The following ADGRV1 variants were observed in gnomAD, a reference collection of about 807,000 sequenced individuals.
ADGRV1 encodes the protein G-protein coupled receptor 98.
A neutral mutation model predicts 596.2 loss-of-function variants in ADGRV1; 359 were observed. The observed-to-expected ratio is 0.60, with a 90% CI of 0.55 to 0.66. The LOEUF (loss-of-function observed/expected upper bound fraction) is 0.66, where lower values mean the gene tolerates loss of function less well. ADGRV1 is among the 30% of genes least tolerant of loss of function. The pLI is 0.00. For synonymous variants in ADGRV1, 2,681 were observed against 2,679.2 expected (o/e 1.00, Z -0.02); for missense variants, 7,274 against 7,575.6 (o/e 0.96, Z 1.48).
chr5:90,763,085 C>T (rs1756681238), intron 58 of ADGRV1: 1 of 449,282 alleles, frequency 2.2e-6, no homozygotes, highest in South Asian at 4.4e-5. Context: ...GTCACATGCT[C>T]TACCTAATTG....
Position 90,652,487 on chromosome 5 carries a change from A to G in ADGRV1, c.3558A>G (p.Pro1186=). 1 of 1,613,466 alleles carries G rather than the reference A, an allele frequency of 6.2e-7. No homozygotes were observed. The highest frequency in any genetic ancestry group is 1.3e-5 in the African/African-American group (1 of 75,034). ...TCATGGATGGAGAAGAAGCAAAACC[A>G]ATCATTCTCCATGCTTTTCCAGATA... is the stretch of plus-strand genomic sequence containing the variant. ...VNFMDGEEAK[P]IILHAFPDKI... Residue 1186 remains proline, a synonymous_variant, in exon 19 of 90, where the codon CCA becomes CCG. Transcript: ENST00000405460.
chr5:90,685,758 G>T (rs1355375546), intron 28 of ADGRV1, 22 bp from the exon 29 acceptor site: 1 of 1,575,306 alleles, frequency 6.3e-7, no homozygotes, highest in Non-Finnish European at 8.7e-7. Flanking sequence ...TCTGTGTTCT[G>T]TGTGGATCTT....
intron 85 of ADGRV1, among the ~76,000 whole-genome samples, chr5:91,004,390 A>G (rs1279997881): frequency 1.3e-5 from 2 of 152,036 alleles, no homozygotes; most frequent in Non-Finnish European, 2.9e-5. Flanking sequence ...TCAAAATCTA[A>G]TTTATCGGCT....
intron 87 of ADGRV1, among the ~76,000 whole-genome samples, chr5:91,121,779 ATTTAC>A (rs554941873): frequency 5.5e-4 from 84 of 151,738 alleles, no homozygotes; most frequent in African/African-American, 1.9e-3. Context: ...TTTTTGGTTT[ATTTAC>A]TTGTGATTTT....
At chr5:90,746,160 T>A (rs115900044) in intron 52 of ADGRV1, among the ~76,000 whole-genome samples, 4,809 of 149,418 alleles carry the variant, frequency 0.032, 122 homozygotes, top group Middle Eastern at 0.056. Flanking sequence ...CTGTGTGATA[T>A]ACACATCACA....
intron 85 of ADGRV1, among the ~76,000 whole-genome samples, chr5:91,053,724 C>G (rs1406648297): frequency 6.6e-6 from 1 of 152,148 alleles, no homozygotes; most frequent in Admixed American, 6.5e-5. Context: ...ATAATTCACT[C>G]CTTTCCTTGC....
chr5:91,154,590 A>G (rs762733009), intron 89 of ADGRV1, among the ~76,000 whole-genome samples: 24 of 152,230 alleles, frequency 1.6e-4, no homozygotes, highest in Non-Finnish European at 2.8e-4. Context: ...AGAATGGCAC[A>G]TCCTATCTGT....
intron 35 of ADGRV1, 66 bp downstream of exon 35, chr5:90,703,861 G>A: frequency 8.4e-7 from 1 of 1,186,306 alleles, no homozygotes; most frequent in Non-Finnish European, 1.2e-6. Context: ...AGGAAAATGG[G>A]ATAGAAAAGC....
rs1758855315 is a variant in ADGRV1, at chr5:90,781,585, T to C, written c.13231+7T>C. 1 of 1,593,858 alleles carries C rather than the reference T, an allele frequency of 6.3e-7. No homozygotes were observed. Among genetic ancestry groups the C allele is most frequent in the Non-Finnish European group, 8.6e-7 (1 of 1,168,278 alleles). ...AAGTATACTGCCTTCGAAGGTAGGTTCAGTCAGCTAGCTTGTAAGTAAGTT... is the reference window on the plus strand; with the variant it reads ...AAGTATACTGCCTTCGAAGGTAGGTCCAGTCAGCTAGCTTGTAAGTAAGTT... On this transcript the variant is annotated splice_region_variant and intron_variant, in intron 65 of 89. Transcript: ENST00000405460.
intron 1 of ADGRV1, among the ~76,000 whole-genome samples, chr5:90,563,920 C>A (rs541130178): frequency 1.1e-4 from 16 of 152,230 alleles, no homozygotes; most frequent in Middle Eastern, 3.4e-3. Context: ...GTATGGTAAT[C>A]CTTTTGTTAG....
chr5:90,641,898 C>G (rs971920078), intron 11 of ADGRV1, among the ~76,000 whole-genome samples: 1 of 152,080 alleles, frequency 6.6e-6, no homozygotes. Context: ...ACGTTAAAAC[C>G]AGAAATTTAA....
chr5:91,130,389 G>T (rs932588613), intron 87 of ADGRV1, among the ~76,000 whole-genome samples: 1 of 151,554 alleles, frequency 6.6e-6, no homozygotes, highest in Admixed American at 6.6e-5. Flanking sequence ...AAAATTAGCC[G>T]GGCGTGGTGG....
chr5:90,943,139 T>C (rs1305172959), intron 83 of ADGRV1, among the ~76,000 whole-genome samples: 1 of 151,652 alleles, frequency 6.6e-6, no homozygotes, highest in Non-Finnish European at 1.5e-5. Context: ...CTCATAAAAG[T>C]ATTTTTTGTC....
At chr5:90,664,171 G>C (rs1273207746) in intron 21 of ADGRV1, among the ~76,000 whole-genome samples, 1 of 148,630 alleles carries the variant, frequency 6.7e-6, no homozygotes, top group African/African-American at 2.5e-5. Flanking sequence ...TAGCTTGATG[G>C]GGATGGCATT....
At chr5:90,861,516 A>G (rs1027930478) in intron 82 of ADGRV1, among the ~76,000 whole-genome samples, 21 of 151,170 alleles carry the variant, frequency 1.4e-4, no homozygotes, top group Non-Finnish European at 1.3e-4. Flanking sequence ...TCACCGTGTT[A>G]GCCAGGATGG....
intron 1 of ADGRV1, among the ~76,000 whole-genome samples, chr5:90,576,996 C>A (rs902675758): frequency 2.0e-5 from 3 of 151,864 alleles, no homozygotes; most frequent in Non-Finnish European, 2.9e-5. Flanking sequence ...TGTTTAAGTT[C>A]TTTGTAGATT....
chr5:91,084,926 G>A (rs1410735393), intron 86 of ADGRV1, among the ~76,000 whole-genome samples: 1 of 152,188 alleles, frequency 6.6e-6, no homozygotes, highest in African/African-American at 2.4e-5. Flanking sequence ...CATGTCCTTT[G>A]TGGGGACATG....
chr5:91,129,086 T>C (rs1206284556), intron 87 of ADGRV1, among the ~76,000 whole-genome samples: 2 of 152,230 alleles, frequency 1.3e-5, no homozygotes, highest in Non-Finnish European at 2.9e-5. Flanking sequence ...TGATTTAGAA[T>C]GTTTTCCTAT....
chr5:90,717,232 A>G (rs771274417), intron 43 of ADGRV1: 1 of 151,964 alleles, frequency 6.6e-6, no homozygotes, highest in Non-Finnish European at 1.5e-5. Context: ...TACCTTCCCA[A>G]ACCTCTTTTT....
Sources: gnomAD v4.1 joint callset for allele counts (sites outside exome capture counted in the v4.1 genomes callset) on GRCh38, gnomAD v4.1.1 for gene constraint, MANE v1.5 for transcripts, NCBI Gene and HGNC (gene_info 2026-07-23, HGNC 2026-07-21) for gene names.